Variants in RBM27 observed in about 807,000 individuals in gnomAD.
The protein encoded by RBM27 is RNA-binding protein 27.
In RBM27, 22 loss-of-function variants were observed where a neutral mutation model predicts 135.3. The ratio of observed to expected loss-of-function variants is 0.16; its 90% confidence interval spans 0.12 to 0.23. The LOEUF (loss-of-function observed/expected upper bound fraction) is 0.23, where lower values mean the gene tolerates loss of function less well. RBM27 is among the 10% of genes least tolerant of loss of function. RBM27 has a pLI of 1.00. For missense variants in RBM27, 1,009 were observed against 1,281.0 expected (o/e 0.79, Z 3.24); for synonymous variants, 481 against 442.4 (o/e 1.09, Z -1.10).
At chr5:146,231,885 G>T (rs999697697) in intron 6 of RBM27, among the ~76,000 whole-genome samples, 6 of 152,176 alleles carry the variant, frequency 3.9e-5, no homozygotes, top group African/African-American at 1.4e-4. Flanking sequence ...AAAGTGCTGG[G>T]ATTACAGGTG....
At chr5:146,234,831 C>T (rs1173996087) in intron 7 of RBM27, among the ~76,000 whole-genome samples, 3 of 151,552 alleles carry the variant, frequency 2.0e-5, no homozygotes, top group South Asian at 4.2e-4. Flanking sequence ...CTCTGGAGTT[C>T]GAGACCAGCC....
At chr5:146,265,339 A>G (rs1392274933) in intron 14 of RBM27, among the ~76,000 whole-genome samples, 1 of 152,192 alleles carries the variant, frequency 6.6e-6, no homozygotes, top group East Asian at 1.9e-4. Flanking sequence ...AAATGGAAGA[A>G]AAAAATACAT....
intron 8 of RBM27, among the ~76,000 whole-genome samples, chr5:146,242,309 A>G (rs1757439499): frequency 6.6e-6 from 1 of 152,222 alleles, no homozygotes; most frequent in Non-Finnish European, 1.5e-5. Flanking sequence ...ATAAAAGGTG[A>G]TAATTTCCCC....
Position 146,237,290 on chromosome 5 carries a change from G to A in RBM27, c.1145-8G>A, listed in dbSNP as rs772532547. On this transcript the variant is annotated splice_polypyrimidine_tract_variant and splice_region_variant and intron_variant, in intron 7 of 20. Transcript: ENST00000265271. ...CTGTACTTTTCACTTTTTGTTGTCT[G>A]TATGTAGGACCACCTATAACACAAT... 7 of 1,613,814 alleles carry A rather than the reference G, an allele frequency of 4.3e-6. No homozygotes were observed. Among genetic ancestry groups the A allele is most frequent in the Non-Finnish European group, 5.9e-6 (7 of 1,179,894 alleles).
intron 8 of RBM27, among the ~76,000 whole-genome samples, chr5:146,247,319 T>A (rs1243850145): frequency 1.3e-5 from 2 of 152,358 alleles, no homozygotes; most frequent in East Asian, 3.9e-4. Flanking sequence ...CACAAAATCC[T>A]ACATACACAC....
At chr5:146,226,046 T>C (rs954971894) in intron 3 of RBM27, among the ~76,000 whole-genome samples, 2 of 124,694 alleles carry the variant, frequency 1.6e-5, no homozygotes, top group Admixed American at 7.9e-5. Context: ...TTTTTTTTTT[T>C]CAGTAGAGAC....
intron 9 of RBM27, among the ~76,000 whole-genome samples, chr5:146,253,699 G>T (rs1757993702): frequency 6.6e-6 from 1 of 152,076 alleles, no homozygotes; most frequent in African/African-American, 2.4e-5. Flanking sequence ...TGGATGTTTT[G>T]TGCAAGAAGG....
chr5:146,203,966 T>G, intron 1 of RBM27, 142 bp downstream of exon 1: 3 of 770,994 alleles, frequency 3.9e-6, no homozygotes, highest in African/African-American at 1.9e-5. Context: ...TGTAGTACTA[T>G]CACCATTGTG....
chr5:146,233,034 A>G (rs1757004840), intron 6 of RBM27, among the ~76,000 whole-genome samples: 1 of 152,358 alleles, frequency 6.6e-6, no homozygotes, highest in Non-Finnish European at 1.5e-5. Flanking sequence ...TATAGCAATA[A>G]TGGTTGCTTT....
At position 146,251,720 on chromosome 5, in the gene RBM27, T is replaced by C. The variant is rs767808446; in HGVS notation, c.1289T>C (p.Met430Thr). 3.7e-6 allele frequency: 6 copies of C among 1,610,048 alleles called. No homozygotes were observed. The highest frequency in any genetic ancestry group is 5.1e-6 in the Non-Finnish European group (6 of 1,176,380). The change falls in exon 9 of 21, where the codon ATG (methionine) becomes ACG (threonine). Residue 430 changes from methionine (M) to threonine (T), a missense_variant. This residue lies in a region of RBM27 where 329 missense variants were observed against 368.1 expected (regional missense o/e 0.89). Coordinates refer to ENST00000265271, the MANE Select transcript of RBM27 (RefSeq NM_018989.2). Reference sequence around the variant, plus strand: ...ATTCTTTCCTCTATAGGACAGCCCATGTACTCTCGTGAACATGGTGCTGCT... The same window carrying C: ...ATTCTTTCCTCTATAGGACAGCCCACGTACTCTCGTGAACATGGTGCTGCT... Reference protein sequence around the residue: ...LLYTVSERQPMYSREHGAAAS... With the variant: ...LLYTVSERQPTYSREHGAAAS...
intron 3 of RBM27, among the ~76,000 whole-genome samples, chr5:146,228,293 T>C (rs1407709195): frequency 1.3e-5 from 2 of 149,694 alleles, no homozygotes; most frequent in Non-Finnish European, 3.0e-5. Context: ...TTTTTTTTTT[T>C]TTTTTTTTTG....
chr5:146,256,624 T>C (rs1438887631), intron 10 of RBM27, among the ~76,000 whole-genome samples: 1 of 152,004 alleles, frequency 6.6e-6, no homozygotes, highest in Non-Finnish European at 1.5e-5. Context: ...AAAGTGCTGG[T>C]ATTACAGGCA....
At chr5:146,210,912 A>G (rs1033434110) in intron 1 of RBM27, among the ~76,000 whole-genome samples, 3 of 151,056 alleles carry the variant, frequency 2.0e-5, no homozygotes, top group Admixed American at 1.3e-4. Context: ...GCGCCACCGC[A>G]CTCCAGCCTG....
intron 8 of RBM27, among the ~76,000 whole-genome samples, 195 bp from the exon 9 acceptor site, chr5:146,251,516 A>T (rs184036906): frequency 4.3e-4 from 66 of 152,242 alleles, no homozygotes; most frequent in Non-Finnish European, 6.8e-4. Context: ...TTTTCTTTAT[A>T]CCTCAATGGA....
chr5:146,211,165 A>G (rs1295146972), intron 1 of RBM27, among the ~76,000 whole-genome samples: 5 of 151,910 alleles, frequency 3.3e-5, no homozygotes, highest in African/African-American at 4.8e-5. Context: ...CTGTCGTCCT[A>G]CCTACTTGAG....
At chr5:146,220,625 A>C (rs1405890064) in intron 2 of RBM27, among the ~76,000 whole-genome samples, 2 of 152,012 alleles carry the variant, frequency 1.3e-5, no homozygotes, top group African/African-American at 4.8e-5. Flanking sequence ...GAAGGAGAAA[A>C]GTAAGTATGG....
chr5:146,215,005 G>A (rs1756128476), intron 1 of RBM27, among the ~76,000 whole-genome samples: 1 of 152,140 alleles, frequency 6.6e-6, no homozygotes, highest in African/African-American at 2.4e-5. Context: ...CTTGGCATAT[G>A]GTTTTTAGAG....
intron 1 of RBM27, among the ~76,000 whole-genome samples, chr5:146,216,023 C>T (rs1374169734): frequency 6.6e-6 from 1 of 152,126 alleles, no homozygotes; most frequent in African/African-American, 2.4e-5. Flanking sequence ...GCTGGGATTG[C>T]AGGCGTGAGC....
intron 8 of RBM27, among the ~76,000 whole-genome samples, chr5:146,243,541 T>C (rs1321788816): frequency 6.6e-6 from 1 of 152,160 alleles, no homozygotes. Flanking sequence ...TCTGAAAAAG[T>C]CTGAAATCTG....
Sources: allele counts gnomAD v4.1 joint callset (sites outside exome capture counted in the v4.1 genomes callset), GRCh38; gene constraint gnomAD v4.1.1; regional missense constraint gnomAD v4.1.1; transcripts MANE v1.5; gene names NCBI Gene and HGNC (gene_info 2026-07-23, HGNC 2026-07-21).